Variants in DCBLD1 observed in about 807,000 individuals in gnomAD.
DCBLD1 encodes discoidin, CUB and LCCL domain containing 1, also known as discoidin, CUB and LCCL domain-containing protein 1.
A neutral mutation model predicts 71.5 loss-of-function variants in DCBLD1; 57 were observed. The ratio of observed to expected loss-of-function variants is 0.80; its 90% CI spans 0.64 to 0.99. The LOEUF (loss-of-function observed/expected upper bound fraction) is 0.99, where lower values mean the gene tolerates loss of function less well. Ranked by LOEUF, DCBLD1 falls within the 50% of genes least tolerant of loss-of-function variation. The pLI, the probability that DCBLD1 is intolerant of heterozygous loss-of-function variation, is 0.00. For synonymous variants in DCBLD1, 380 were observed against 363.8 expected (o/e 1.04, Z -0.51); for missense variants, 891 against 923.5 (o/e 0.96, Z 0.46).
chr6:117,518,687 G>A (rs909755674), intron 2 of DCBLD1, among the ~76,000 whole-genome samples: 1 of 152,100 alleles, frequency 6.6e-6, no homozygotes, highest in African/African-American at 2.4e-5. Flanking sequence ...GCTCGTGCAG[G>A]GGAACTCCTT....
chr6:117,556,077 T>C (rs1012977126), intron 14 of DCBLD1, among the ~76,000 whole-genome samples: 1 of 152,240 alleles, frequency 6.6e-6, no homozygotes, highest in African/African-American at 2.4e-5. Context: ...ATAATGCATC[T>C]GGAATCTGCT....
At chr6:117,513,610 T>G (rs1348507854) in intron 2 of DCBLD1, among the ~76,000 whole-genome samples, 1 of 152,192 alleles carries the variant, frequency 6.6e-6, no homozygotes, top group Non-Finnish European at 1.5e-5. Flanking sequence ...CAGGGATAGA[T>G]AGAAGTGAGA....
At chr6:117,489,428 AAAACATCC>A (rs1777204123) in intron 1 of DCBLD1, among the ~76,000 whole-genome samples, 4 of 152,330 alleles carry the variant, frequency 2.6e-5, no homozygotes, top group Admixed American at 2.0e-4. Flanking sequence ...TGGAGGGGAC[AAAACATCC>A]AAACCATATC....
intron 2 of DCBLD1, among the ~76,000 whole-genome samples, chr6:117,516,730 C>T (rs1778213120): frequency 6.6e-6 from 1 of 152,166 alleles, no homozygotes; most frequent in Non-Finnish European, 1.5e-5. Context: ...CTGGGGAAGC[C>T]TCAAATCATG....
chr6:117,498,304 A>G (rs931038248), intron 1 of DCBLD1, among the ~76,000 whole-genome samples: 8 of 152,218 alleles, frequency 5.3e-5, no homozygotes, highest in African/African-American at 1.9e-4. Context: ...CATTACAGAG[A>G]GACCACCCTG....
chr6:117,492,922 A>G (rs1042585424), intron 1 of DCBLD1, among the ~76,000 whole-genome samples: 13 of 152,196 alleles, frequency 8.5e-5, no homozygotes, highest in African/African-American at 2.2e-4. Context: ...TTTCCACAGT[A>G]TGCTCAAGTA....
At chr6:117,546,337 G>A (rs562237904) in intron 14 of DCBLD1, among the ~76,000 whole-genome samples, 29 of 152,214 alleles carry the variant, frequency 1.9e-4, no homozygotes, top group South Asian at 8.3e-4. Flanking sequence ...GTAGCACTGC[G>A]CTCTGGCTTC....
At chr6:117,520,984 A>G (rs182237981) in intron 3 of DCBLD1, among the ~76,000 whole-genome samples, 2 of 152,362 alleles carry the variant, frequency 1.3e-5, no homozygotes, top group African/African-American at 4.8e-5. Flanking sequence ...CTATTGCTGA[A>G]TATTAGTTTG....
At chr6:117,487,488 G>A (rs1485442174) in intron 1 of DCBLD1, among the ~76,000 whole-genome samples, 1 of 152,142 alleles carries the variant, frequency 6.6e-6, no homozygotes, top group East Asian at 1.9e-4. Context: ...CTAGCCAGGT[G>A]TCGTGGTGTC....
intron 14 of DCBLD1, among the ~76,000 whole-genome samples, chr6:117,567,680 T>C (rs573589948): frequency 6.6e-6 from 1 of 152,158 alleles, no homozygotes; most frequent in Admixed American, 6.5e-5. Context: ...CTATAAATTA[T>C]AGCCTTCAAT....
chr6:117,569,568 T>C (rs1336997145), intron 14 of DCBLD1: 1 of 1,612,552 alleles, frequency 6.2e-7, no homozygotes, highest in Non-Finnish European at 8.5e-7. Context: ...TGAAGGGAAT[T>C]TACCTGCTGA....
Position 117,549,344 on chromosome 6 carries a change from A to G in DCBLD1, c.*905A>G. 1 of 985,440 alleles carries G rather than the reference A, an allele frequency of 1.0e-6. No homozygotes were observed. The allele number at this position is 985,440 out of a possible 1,614,324, so 61.0% of individuals were successfully genotyped here. A position where few individuals can be genotyped will look rare whatever the true frequency, so the allele number is the denominator to read the frequency against. ...AAGTTATTTGGAACATGTTCATGCA[A>G]AAGTGATTCTGACCAAGTCTAAATC... On this transcript the variant is annotated 3_prime_UTR_variant, in exon 15 of 15. Transcript: ENST00000338728.
intron 5 of DCBLD1, 149 bp downstream of exon 5, chr6:117,525,583 A>G (rs1307752847): frequency 1.9e-6 from 1 of 518,210 alleles, no homozygotes; most frequent in Non-Finnish European, 3.1e-6. Flanking sequence ...TGAAATAAGT[A>G]TAAAAACCAA....
At chr6:117,496,628 G>A (rs1364889796) in intron 1 of DCBLD1, among the ~76,000 whole-genome samples, 1 of 152,158 alleles carries the variant, frequency 6.6e-6, no homozygotes, top group Non-Finnish European at 1.5e-5. Context: ...GATTGTATAT[G>A]TGTTGAGACC....
Position 117,543,577 on chromosome 6 carries a change from C to T in DCBLD1, c.1445+366C>T, listed in dbSNP as rs79224774. Among the ~76,000 whole-genome samples the T allele has an allele frequency of 3.1e-3, 467 of 152,240 alleles. 2 individuals are homozygous for T. The highest frequency in any genetic ancestry group is 0.011 in the African/African-American group (444 of 41,530). ...TTGTAGAGATGGGATCTTGCTTTCT[C>T]ACCCAGGCTGGTCTCAAACTTCTGG... On this transcript the variant is annotated intron_variant, in intron 12 of 14. Transcript: ENST00000338728.
At chr6:117,507,138 T>G (rs1372701149) in intron 2 of DCBLD1, among the ~76,000 whole-genome samples, 1 of 152,258 alleles carries the variant, frequency 6.6e-6, no homozygotes, top group Non-Finnish European at 1.5e-5. Context: ...GTGATTACAT[T>G]AACCATTGTG....
intron 5 of DCBLD1, among the ~76,000 whole-genome samples, chr6:117,531,951 G>A (rs555427688): frequency 6.6e-6 from 1 of 152,308 alleles, no homozygotes; most frequent in Non-Finnish European, 1.5e-5. Flanking sequence ...GATTGGATTA[G>A]TAAGCTCCCT....
intron 2 of DCBLD1, among the ~76,000 whole-genome samples, chr6:117,507,809 A>G (rs1777889112): frequency 6.6e-6 from 1 of 152,184 alleles, no homozygotes; most frequent in Admixed American, 6.5e-5. Context: ...AATTCAGATT[A>G]TATATTCTGG....
chr6:117,483,703 T>TTG (rs201377168), intron 1 of DCBLD1, among the ~76,000 whole-genome samples: 1 of 147,892 alleles, frequency 6.8e-6, no homozygotes, highest in Non-Finnish European at 1.5e-5. Context: ...AATTAGTGCT[T>TTG]TTTTTTTTTT....
Sources: allele counts gnomAD v4.1 joint callset (sites outside exome capture counted in the v4.1 genomes callset), GRCh38; gene constraint gnomAD v4.1.1; transcripts MANE v1.5; gene names NCBI Gene and HGNC (gene_info 2026-07-23, HGNC 2026-07-21).